The following BRD3 variants were observed in gnomAD, a reference collection of about 807,000 sequenced individuals.
BRD3 encodes bromodomain containing 3.
BRD3 carries 17 observed loss-of-function variants against 66.8 expected under a neutral mutation model. The observed-to-expected ratio is 0.25, with a 90% CI of 0.17 to 0.38. BRD3 has a LOEUF of 0.38. Among genes scored for constraint, BRD3 ranks in the 10% least tolerant of loss-of-function variants. The probability of loss-of-function intolerance (pLI) is 1.00; values close to 1 mark genes in which losing one functional copy is unlikely to be tolerated. For synonymous variants in BRD3, 421 were observed against 393.2 expected, an observed-to-expected ratio of 1.07 and a Z score of -0.84; for missense variants, 713 against 956.1, an observed-to-expected ratio of 0.75 and a Z score of 3.35.
chr9:134,059,922 G>T (rs1034187694), intron 1 of BRD3, among the ~76,000 whole-genome samples: 2 of 152,222 alleles, frequency 1.3e-5, no homozygotes, highest in Non-Finnish European at 2.9e-5. Flanking sequence ...CAGGGAAGCG[G>T]TGGGTCCTTG....
chr9:134,043,932 A>G lies in BRD3; in HGVS notation c.1215+1361T>C, dbSNP rs1830113797. On this transcript the variant is annotated intron_variant, in intron 7 of 11. Transcript: ENST00000303407. ...GTGATCCTCCCACCTCCGCCTCCCA[A>G]AGTGCTGGAATTACAGGCGTGAGCA... Among the ~76,000 whole-genome samples the G allele has an allele frequency of 3.9e-5, 6 of 152,134 alleles. No homozygotes were observed. The South Asian group carries it at 1.2e-3, about 32-fold the overall frequency.
chr9:134,035,687 C>A (rs192250900), intron 10 of BRD3, among the ~76,000 whole-genome samples: 2 of 152,230 alleles, frequency 1.3e-5, no homozygotes, highest in African/African-American at 4.8e-5. Flanking sequence ...AGTGAGGACC[C>A]CAACTGGGCC....
chr9:134,052,513 C>T (rs1830326857), intron 2 of BRD3, 70 bp from the exon 3 acceptor site: 1 of 1,523,734 alleles, frequency 6.6e-7, no homozygotes, highest in African/African-American at 1.4e-5. Flanking sequence ...CCCAAGTGGA[C>T]ACAGCCCGAC....
chr9:134,037,581 A>T (rs1205669371), intron 9 of BRD3, among the ~76,000 whole-genome samples: 1 of 152,238 alleles, frequency 6.6e-6, no homozygotes, highest in South Asian at 2.1e-4. Flanking sequence ...AAAAAAATTT[A>T]AAAAATAAAA....
In BRD3 at chr9:134,033,050, T is replaced by G; in HGVS notation, c.*540A>C. The stretch of plus-strand genomic sequence containing the variant: ...GCTGGGGCTGCGATGACCCTTCGCT[T>G]AGGCCCAGCCTGGTCTCCACAAGCA... On this transcript the variant is annotated 3_prime_UTR_variant, in exon 12 of 12. Transcript: ENST00000303407. The surrounding 1 kb of genome is among the most constrained non-coding windows in gnomAD (Gnocchi z 5.1). The G allele has an allele frequency of 2.5e-6, 1 of 398,358 alleles. No homozygotes were observed. Among genetic ancestry groups the G allele is most frequent in the East Asian group, 3.6e-5 (1 of 28,062 alleles). The allele number at this position is 398,358 out of a possible 1,614,324, so 24.7% of individuals were successfully genotyped here.
chr9:134,036,725 A>C, intron 9 of BRD3: 4 of 869,742 alleles, frequency 4.6e-6, no homozygotes, highest in Non-Finnish European at 7.4e-6. Flanking sequence ...TAAACGGTCT[A>C]GGGCCGGGCG....
chr9:134,045,182 C>T lies in BRD3; in HGVS notation c.1215+111G>A. On this transcript the variant is annotated intron_variant, in intron 7 of 11. Coordinates refer to ENST00000303407, the MANE Select transcript of BRD3 (RefSeq NM_007371.4). The surrounding 1 kb of genome is among the most constrained non-coding windows in gnomAD (Gnocchi z 4.8). Reference sequence around the variant, plus strand: ...AAAAAGGTGTTGAGGGAATGAGGCTCTCTAAGGCCTTCCTCGGCTGGACAT... The same window carrying T: ...AAAAAGGTGTTGAGGGAATGAGGCTTTCTAAGGCCTTCCTCGGCTGGACAT... 2.8e-6 allele frequency: 4 copies of T among 1,453,168 alleles called. No individual in the cohort carries two copies. The highest frequency in any genetic ancestry group is 3.7e-6 in the Non-Finnish European group (4 of 1,074,110). The allele number at this position is 1,453,168 out of a possible 1,614,324, so 90.0% of individuals were successfully genotyped here. A position where few individuals can be genotyped will look rare whatever the true frequency, so the allele number is the denominator to read the frequency against.
chr9:134,066,852 T>C (rs777974603), intron 1 of BRD3, among the ~76,000 whole-genome samples: 2 of 152,108 alleles, frequency 1.3e-5, no homozygotes, highest in Non-Finnish European at 2.9e-5. Flanking sequence ...AAATTAAAGA[T>C]CGCAACCACT....
intron 2 of BRD3, 66 bp from the exon 3 acceptor site, chr9:134,052,509 T>C (rs748301045): frequency 6.5e-7 from 1 of 1,541,406 alleles, no homozygotes; most frequent in South Asian, 1.2e-5. Context: ...AATTCCCAAG[T>C]GGACACAGCC....
chr9:134,035,438 C>T (rs994417819), intron 10 of BRD3, among the ~76,000 whole-genome samples: 1 of 152,204 alleles, frequency 6.6e-6, no homozygotes, highest in Non-Finnish European at 1.5e-5. Context: ...TGCCTCGGGT[C>T]TGCCCTCCCT....
At chr9:134,040,469 G>T (rs1017056066) in intron 8 of BRD3, among the ~76,000 whole-genome samples, 200 bp from the exon 9 acceptor site, 2 of 152,210 alleles carry the variant, frequency 1.3e-5, no homozygotes, top group African/African-American at 4.8e-5. Context: ...CTCCGCCTCG[G>T]CTTCTTCGCC....
chr9:134,044,694 C>T (rs545915180), intron 7 of BRD3, among the ~76,000 whole-genome samples: 4 of 152,276 alleles, frequency 2.6e-5, no homozygotes, highest in East Asian at 1.9e-4. Flanking sequence ...GGAGCACACA[C>T]ACGCACACAC....
At chr9:134,051,889 G>GTTTTTTTTTTTTTTTTTTTTTTTTT (rs886259053) in intron 3 of BRD3, among the ~76,000 whole-genome samples, 180 bp from the exon 4 acceptor site, 1 of 59,022 alleles carries the variant, frequency 1.7e-5, no homozygotes, top group African/African-American at 6.4e-5. Flanking sequence ...TGTTTTTTTT[G>GTTTTTTTTTTTTTTTTTTTTTTTTT]TTTTTTTTTT....
intron 7 of BRD3, among the ~76,000 whole-genome samples, chr9:134,044,720 C>A (rs1433653787): frequency 6.6e-6 from 1 of 152,210 alleles, no homozygotes; most frequent in East Asian, 1.9e-4. Flanking sequence ...CACACACACA[C>A]AAATATCTCT....
intron 1 of BRD3, among the ~76,000 whole-genome samples, chr9:134,064,780 C>T (rs1208407325): frequency 2.0e-5 from 3 of 152,154 alleles, no homozygotes; most frequent in African/African-American, 7.2e-5. Flanking sequence ...CAGGGAGGCC[C>T]GGGCACAGGG....
In BRD3 at chr9:134,032,403, A is replaced by G. The variant is rs561928760; in HGVS notation, c.*1187T>C. ...AAAAAATTAGAATGTGCTGTAGCTGAAAGCTGTCTATACCTGTAAGCCTCC... is the reference window on the plus strand; with the variant it reads ...AAAAAATTAGAATGTGCTGTAGCTGGAAGCTGTCTATACCTGTAAGCCTCC... On this transcript the variant is annotated 3_prime_UTR_variant, in exon 12 of 12. Coordinates refer to ENST00000303407, the MANE Select transcript of BRD3 (RefSeq NM_007371.4). The G allele has an allele frequency of 4.5e-5, 10 of 222,014 alleles. No homozygotes were observed. In the East Asian group the frequency reaches 6.5e-4, roughly 14 times the overall value. 13.8% of individuals were successfully genotyped at this position (222,014 alleles called of 1,614,324 possible). A position where few individuals can be genotyped will look rare whatever the true frequency, so the allele number is the denominator to read the frequency against.
rs1843569181 is a variant in BRD3, at chr9:134,034,603, A to C, written c.2065+98T>G. Reference sequence around the variant, plus strand: ...AGAACATGGAGCTCATCAGGAGGTAAGCCACACTCAGACGTGGGCCTGCTC... The same window carrying C: ...AGAACATGGAGCTCATCAGGAGGTACGCCACACTCAGACGTGGGCCTGCTC... On this transcript the variant is annotated intron_variant, in intron 11 of 11. Coordinates refer to ENST00000303407, the MANE Select transcript of BRD3 (RefSeq NM_007371.4). The C allele has an allele frequency of 6.0e-6, 9 of 1,502,904 alleles. No individual in the cohort carries two copies. In the East Asian group the frequency reaches 2.1e-4, roughly 34 times the overall value. 93.1% of individuals were successfully genotyped at this position (1,502,904 alleles called of 1,614,324 possible). A position where few individuals can be genotyped will look rare whatever the true frequency, so the allele number is the denominator to read the frequency against.
chr9:134,033,421 C>A lies in BRD3; in HGVS notation c.*169G>T. 7.2e-6 allele frequency: 4 copies of A among 558,806 alleles called. No individual in the cohort carries two copies. The highest frequency in any genetic ancestry group is 1.3e-5 in the Non-Finnish European group (4 of 312,636). 34.6% of individuals were successfully genotyped at this position (558,806 alleles called of 1,614,324 possible). On this transcript the variant is annotated 3_prime_UTR_variant, in exon 12 of 12. Transcript: ENST00000303407. The surrounding 1 kb of genome is among the most constrained non-coding windows in gnomAD (Gnocchi z 5.1). ...CTTCTCATCAAGTCTAACGCACACA[C>A]AAGATAGATCTCTGACCTATGAAAG...
chr9:134,053,611 CAG>C (rs1237966709), intron 1 of BRD3, 21 bp from the exon 2 acceptor site: 1 of 1,436,860 alleles, frequency 7.0e-7, no homozygotes, highest in East Asian at 2.5e-5. Context: ...GGAAGCACAA[CAG>C]AGAGGAAGGC....
Sources: gnomAD v4.1 joint callset for allele counts (sites outside exome capture counted in the v4.1 genomes callset) on GRCh38, gnomAD v4.1.1 for gene constraint, Gnocchi (gnomAD v3.1) non-coding constraint, MANE v1.5 for transcripts, NCBI Gene and HGNC (gene_info 2026-07-23, HGNC 2026-07-21) for gene names.